The following LMF1 variants were observed in gnomAD, a reference collection of about 807,000 sequenced individuals.
LMF1 encodes lipase maturation factor 1.
A neutral mutation model predicts 60.6 loss-of-function variants in LMF1; 68 were observed. The ratio of observed to expected loss-of-function variants is 1.12; its 90% CI spans 0.92 to 1.37. LMF1 has a LOEUF of 1.37. Ranked by LOEUF, LMF1 falls within the 40% of genes most tolerant of loss-of-function variation. The pLI is 0.00. For missense variants in LMF1, 948 were observed against 767.2 expected (o/e 1.24, Z -2.78); for synonymous variants, 418 against 324.7 (o/e 1.29, Z -3.09).
chr16:918,836 A>AACCCGACTCTCACGCGGGGCTGGCG (rs1567237661), intron 3 of LMF1, among the ~76,000 whole-genome samples: 2 of 136,134 alleles, frequency 1.5e-5, no homozygotes, highest in Admixed American at 7.1e-5. Context: ...CGGGGCCGGC[A>AACCCGACTCTCACGCGGGGCTGGCG]TCCCGGGGCG....
chr16:868,726 G>A (rs903098014), intron 10 of LMF1, among the ~76,000 whole-genome samples: 2 of 147,932 alleles, frequency 1.4e-5, no homozygotes, highest in African/African-American at 5.0e-5. Flanking sequence ...GTTTGAGGTG[G>A]GCTATGAGGC....
rs760334716 is a variant in LMF1 at position 853,691 on chromosome 16, A to C, written c.*841T>G. On this transcript the variant is annotated 3_prime_UTR_variant, in exon 11 of 11. Coordinates refer to ENST00000262301, the MANE Select transcript of LMF1 (RefSeq NM_022773.4). ...AATAGTAGAAGAATATGCCATAGCTATGGCTCAAGAATAGGAATAAGAAAA... is the reference window on the plus strand; with the variant it reads ...AATAGTAGAAGAATATGCCATAGCTCTGGCTCAAGAATAGGAATAAGAAAA... 14 of 453,994 alleles carry C rather than the reference A, an allele frequency of 3.1e-5. No homozygotes were observed. The highest frequency in any genetic ancestry group is 5.7e-5 in the Non-Finnish European group (13 of 226,770). 28.1% of individuals were successfully genotyped at this position (453,994 alleles called of 1,614,324 possible). A position where few individuals can be genotyped will look rare whatever the true frequency, so the allele number is the denominator to read the frequency against.
At chr16:905,776 T>C (rs1176734833) in intron 4 of LMF1, among the ~76,000 whole-genome samples, 1 of 152,096 alleles carries the variant, frequency 6.6e-6, no homozygotes, top group Non-Finnish European at 1.5e-5. Flanking sequence ...GTCCAATGTA[T>C]GTGTTTGTTT....
At chr16:862,398 C>T (rs934893512) in intron 10 of LMF1, among the ~76,000 whole-genome samples, 3 of 152,048 alleles carry the variant, frequency 2.0e-5, no homozygotes, top group South Asian at 2.1e-4. Flanking sequence ...CTCGCCTCGG[C>T]CTCCCAAAGT....
At chr16:901,408 C>G (rs2070808686) in intron 4 of LMF1, 1 of 152,384 alleles carries the variant, frequency 6.6e-6, no homozygotes, top group Admixed American at 6.5e-5. Context: ...GCGTGCTGGC[C>G]ACAGAGTAGG....
chr16:930,291 G>A (rs1352756866), intron 3 of LMF1, among the ~76,000 whole-genome samples: 1 of 152,202 alleles, frequency 6.6e-6, no homozygotes, highest in Non-Finnish European at 1.5e-5. Flanking sequence ...GGGACACAGA[G>A]CCCAGGACAG....
At chr16:927,513 C>T (rs74004033) in intron 3 of LMF1, among the ~76,000 whole-genome samples, 2,033 of 152,342 alleles carry the variant, frequency 0.013, 58 homozygotes, top group African/African-American at 0.047. Flanking sequence ...AGCGAGCTCA[C>T]GGCAGAGGCC....
At chr16:906,606 A>C (rs2070979018) in intron 4 of LMF1, among the ~76,000 whole-genome samples, 1 of 152,046 alleles carries the variant, frequency 6.6e-6, no homozygotes, top group African/African-American at 2.4e-5. Flanking sequence ...TCGTGGAGTT[A>C]ATACTCAATA....
upstream of LMF1, chr16:975,840 A>T (rs1198237960): frequency 2.4e-5 from 11 of 454,020 alleles, no homozygotes; most frequent in Non-Finnish European, 4.9e-5. Context: ...CGGGGAGGTC[A>T]GGGCCTGGGC....
At chr16:880,688 C>G (rs961829213) in intron 5 of LMF1, among the ~76,000 whole-genome samples, 1 of 152,236 alleles carries the variant, frequency 6.6e-6, no homozygotes, top group Admixed American at 6.5e-5. Context: ...ATCCATCAAT[C>G]AAGTCAGAGT....
At chr16:860,669 T>G (rs904231610) in intron 10 of LMF1, among the ~76,000 whole-genome samples, 1 of 152,204 alleles carries the variant, frequency 6.6e-6, no homozygotes, top group African/African-American at 2.4e-5. Context: ...ATGCTTTACG[T>G]TGAAGTCCAG....
intron 2 of LMF1, among the ~76,000 whole-genome samples, chr16:948,639 G>C (rs1306203254): frequency 2.7e-5 from 4 of 150,926 alleles, no homozygotes; most frequent in Admixed American, 1.3e-4. Context: ...CAGAATCAGA[G>C]ACAACGACAG....
intron 4 of LMF1, among the ~76,000 whole-genome samples, chr16:909,286 G>T (rs924628724): frequency 6.6e-6 from 1 of 152,106 alleles, no homozygotes; most frequent in Non-Finnish European, 1.5e-5. Context: ...GGAGCCACAG[G>T]GGGACAGAGC....
intron 3 of LMF1, among the ~76,000 whole-genome samples, chr16:932,596 A>AT (rs900284472): frequency 1.3e-5 from 2 of 152,036 alleles, no homozygotes; most frequent in African/African-American, 2.4e-5. Context: ...AATTAAAAAA[A>AT]TTTTTTTTGT....
upstream of LMF1, among the ~76,000 whole-genome samples, chr16:971,221 C>G (rs1170768524): frequency 6.6e-6 from 1 of 152,176 alleles, no homozygotes; most frequent in Non-Finnish European, 1.5e-5. Context: ...GCGGGTAGGG[C>G]GCGGGGCCGG....
chr16:879,728 T>C lies in LMF1; in HGVS notation c.739A>G (p.Met247Val), dbSNP rs539982071. Residue 247 changes from methionine to valine, a missense_variant, in exon 6 of 11, where the codon ATG (methionine) becomes GTG (valine). Met to Val is a conservative substitution (Grantham distance 21, BLOSUM62 1). Coordinates refer to ENST00000262301, the MANE Select transcript of LMF1 (RefSeq NM_022773.4). ...AGGTAGTACGCCACAGGATTGGGCA[T>C]CGGCTGGGTCTGCAGGGACAGGAGG... is the stretch of plus-strand genomic sequence containing the variant. ...CMDFHYETQP[M>V]PNPVAYYLHH... is the part of the protein sequence containing the mutation. The C allele has an allele frequency of 3.8e-6, 6 of 1,586,584 alleles. No homozygotes were observed. The African/African-American group carries it at 8.1e-5, about 21-fold the overall frequency.
intron 2 of LMF1, among the ~76,000 whole-genome samples, chr16:940,084 C>G (rs1385581134): frequency 6.6e-6 from 1 of 152,092 alleles, no homozygotes; most frequent in Non-Finnish European, 1.5e-5. Context: ...CCGAGTGATA[C>G]GTCCACAAGC....
intron 2 of LMF1, among the ~76,000 whole-genome samples, chr16:941,060 C>T (rs942008660): frequency 2.0e-5 from 3 of 152,210 alleles, no homozygotes; most frequent in South Asian, 2.1e-4. Context: ...GATAATACTC[C>T]GTGTCCTGAA....
Position 945,159 on chromosome 16 carries a change from C to T in LMF1, c.503+9198G>A, listed in dbSNP as rs978088701. Among the ~76,000 whole-genome samples the T allele has an allele frequency of 7.5e-5, 11 of 146,076 alleles. No individual in the cohort carries two copies. In the South Asian group the frequency reaches 8.6e-4, roughly 11 times the overall value. On this transcript the variant is annotated intron_variant, in intron 2 of 10. Transcript: ENST00000262301. ...CCAGGAAGTGGAGGCTGCAATGGAC[C>T]GAGTTCGCACCACTGCACTCCAGCC...
Sources: gnomAD v4.1 joint callset for allele counts (sites outside exome capture counted in the v4.1 genomes callset) on GRCh38, gnomAD v4.1.1 for gene constraint, MANE v1.5 for transcripts, NCBI Gene and HGNC (gene_info 2026-07-23, HGNC 2026-07-21) for gene names.